The following FSTL5 variants were observed in gnomAD, a reference collection of about 807,000 sequenced individuals.
FSTL5 encodes the protein follistatin-related protein 5.
Under a neutral mutation model 89.1 loss-of-function variants are expected in FSTL5, and 62 were observed. The observed-to-expected ratio is 0.70, with a 90% CI of 0.57 to 0.86. The LOEUF (loss-of-function observed/expected upper bound fraction) is 0.86. FSTL5 is among the 40% of genes least tolerant of loss of function. FSTL5 has a pLI of 0.00. For synonymous variants in FSTL5, 383 were observed against 346.2 expected, an observed-to-expected ratio of 1.11 and a Z score of -1.18; for missense variants, 1,057 against 1,001.6, an observed-to-expected ratio of 1.06 and a Z score of -0.75.
intron 1 of FSTL5, among the ~76,000 whole-genome samples, chr4:162,143,095 T>C (rs957989878): frequency 6.6e-6 from 1 of 152,140 alleles, no homozygotes; most frequent in African/African-American, 2.4e-5. Context: ...TTAAGAGAGA[T>C]ACCTCCTGCT....
At chr4:161,697,759 A>T (rs1738221076) in intron 6 of FSTL5, among the ~76,000 whole-genome samples, 1 of 152,204 alleles carries the variant, frequency 6.6e-6, no homozygotes, top group South Asian at 2.1e-4. Context: ...CAGAAAGACA[A>T]ATACCACATG....
At chr4:162,102,705 ATATTTATATATATT>A (rs1464051990) in intron 2 of FSTL5, among the ~76,000 whole-genome samples, 159 of 145,684 alleles carry the variant, frequency 1.1e-3, no homozygotes, top group African/African-American at 3.8e-3. Context: ...TAATATTTAT[ATATTTATATATATT>A]TATTTATATT....
chr4:161,970,170 T>A (rs951183862), intron 3 of FSTL5, among the ~76,000 whole-genome samples: 2 of 152,090 alleles, frequency 1.3e-5, no homozygotes, highest in African/African-American at 2.4e-5. Context: ...GTTTCCACTA[T>A]CAAAATAGTC....
intron 7 of FSTL5, among the ~76,000 whole-genome samples, chr4:161,640,634 T>C (rs1359751332): frequency 6.6e-6 from 1 of 151,904 alleles, no homozygotes; most frequent in Non-Finnish European, 1.5e-5. Context: ...GAAAGAAAAA[T>C]GATTGAACAA....
At chr4:161,452,295 G>A (rs932641533) in intron 15 of FSTL5, among the ~76,000 whole-genome samples, 1 of 152,118 alleles carries the variant, frequency 6.6e-6, no homozygotes, top group Non-Finnish European at 1.5e-5. Flanking sequence ...GACCAAGATG[G>A]TGAAACTCCG....
At chr4:161,402,853 A>C (rs1299046230) in intron 15 of FSTL5, among the ~76,000 whole-genome samples, 11 of 145,808 alleles carry the variant, frequency 7.5e-5, no homozygotes, top group Admixed American at 2.1e-4. Flanking sequence ...ATGGAGTTTC[A>C]CTCTGTTGCC....
intron 8 of FSTL5, among the ~76,000 whole-genome samples, chr4:161,567,990 G>C (rs1732876478): frequency 6.6e-6 from 1 of 151,752 alleles, no homozygotes; most frequent in South Asian, 2.1e-4. Context: ...CTCATGTGTT[G>C]GATCTGCCTG....
intron 3 of FSTL5, among the ~76,000 whole-genome samples, chr4:162,005,382 T>C (rs1310077387): frequency 6.6e-6 from 1 of 152,202 alleles, no homozygotes; most frequent in Non-Finnish European, 1.5e-5. Context: ...CAATGAGTTA[T>C]GTCCTCTCTA....
chr4:161,455,115 G>C lies in FSTL5; in HGVS notation c.1730C>G (p.Ala577Gly), dbSNP rs767683200. The C allele has an allele frequency of 6.8e-6, 11 of 1,606,886 alleles. No homozygotes were observed. The African/African-American group carries it at 1.5e-4, about 22-fold the overall frequency. The change falls in exon 15 of 16, where the codon GCC becomes GGC. Residue 577 changes from alanine (A) to glycine (G), a missense_variant. Ala to Gly is a moderately conservative substitution (Grantham distance 60). Transcript: ENST00000306100. The part of the protein sequence containing the change: ...TSPTLQVITL[A>G]SGNVPHHTIH... ...CGTGTGGTGAGGCACATTCCCACTG[G>C]CCAGGGTAATTACCTAAAGAGAACA...
intron 15 of FSTL5, among the ~76,000 whole-genome samples, chr4:161,420,272 A>C (rs962958977): frequency 1.1e-4 from 16 of 152,224 alleles, no homozygotes; most frequent in African/African-American, 3.6e-4. Context: ...GAGTAGTGGA[A>C]GAAGGTAGTT....
intron 15 of FSTL5, among the ~76,000 whole-genome samples, chr4:161,443,027 C>A (rs1164199422): frequency 6.6e-6 from 1 of 151,932 alleles, no homozygotes; most frequent in Non-Finnish European, 1.5e-5. Context: ...ATGGCTCCTG[C>A]ATTTTCAATG....
intron 15 of FSTL5, among the ~76,000 whole-genome samples, chr4:161,390,898 C>T (rs1730800615): frequency 6.6e-6 from 1 of 152,170 alleles, no homozygotes; most frequent in Admixed American, 6.5e-5. Flanking sequence ...GCTCAATCTC[C>T]ATACAAACAG....
chr4:161,970,280 A>G (rs1735445058), intron 3 of FSTL5, among the ~76,000 whole-genome samples: 1 of 152,138 alleles, frequency 6.6e-6, no homozygotes, highest in African/African-American at 2.4e-5. Context: ...CACAGGACTC[A>G]TTCTATATTT....
At chr4:162,134,515 G>GAAAAC (rs149759627) in intron 1 of FSTL5, among the ~76,000 whole-genome samples, 20,886 of 151,978 alleles carry the variant, frequency 0.14, 1,926 homozygotes, top group Non-Finnish European at 0.19. Context: ...AATATACCTG[G>GAAAAC]AAAACAAAAC....
intron 4 of FSTL5, among the ~76,000 whole-genome samples, chr4:161,849,945 T>G (rs1731497840): frequency 6.6e-6 from 1 of 152,082 alleles, no homozygotes; most frequent in Non-Finnish European, 1.5e-5. Context: ...CATGACAAAA[T>G]CAAGGAAATC....
chr4:161,867,341 T>G (rs1579154420), intron 4 of FSTL5, among the ~76,000 whole-genome samples: 1 of 152,162 alleles, frequency 6.6e-6, no homozygotes, highest in Non-Finnish European at 1.5e-5. Context: ...AATTTATCAG[T>G]ATCTCAAATT....
chr4:161,589,057 T>G (rs1264206215), intron 7 of FSTL5, among the ~76,000 whole-genome samples: 1 of 151,628 alleles, frequency 6.6e-6, no homozygotes, highest in East Asian at 1.9e-4. Flanking sequence ...GACATGATCT[T>G]GGCTCACTGC....
intron 15 of FSTL5, among the ~76,000 whole-genome samples, chr4:161,443,020 G>C (rs1396335631): frequency 2.0e-5 from 3 of 151,880 alleles, no homozygotes; most frequent in Non-Finnish European, 2.9e-5. Context: ...AAAAATAATG[G>C]CTCCTGCATT....
chr4:161,606,240 A>ATTTT (rs71598720), intron 7 of FSTL5, among the ~76,000 whole-genome samples: 1,598 of 117,778 alleles, frequency 0.014, 69 homozygotes, highest in Middle Eastern at 0.031. Flanking sequence ...ATTATCTGTG[A>ATTTT]TTTTTTTTTT....
Sources: allele counts gnomAD v4.1 joint callset (sites outside exome capture counted in the v4.1 genomes callset), GRCh38; gene constraint gnomAD v4.1.1; transcripts MANE v1.5; gene names NCBI Gene and HGNC (gene_info 2026-07-23, HGNC 2026-07-21).